Variants in TET1 observed in about 807,000 individuals in gnomAD.
TET1 encodes tet methylcytosine dioxygenase 1, also known as methylcytosine dioxygenase TET1.
In TET1, 13 loss-of-function variants were observed where a neutral mutation model predicts 148.7. The observed-to-expected ratio is 0.09, with a 90% CI of 0.06 to 0.14. The LOEUF is 0.14. TET1 is among the 10% of genes least tolerant of loss of function. TET1 has a pLI of 1.00. For synonymous variants in TET1, 907 were observed against 937.2 expected (o/e 0.97, Z 0.59); for missense variants, 2,182 against 2,553.8 (o/e 0.85, Z 3.14).
At chr10:68,690,562 G>GA (rs1463012749) in intron 11 of TET1, among the ~76,000 whole-genome samples, 14 of 152,192 alleles carry the variant, frequency 9.2e-5, no homozygotes, top group African/African-American at 2.9e-4. Flanking sequence ...CAGCCTGGGG[G>GA]ACAGAGCGAG....
intron 11 of TET1, among the ~76,000 whole-genome samples, chr10:68,688,834 G>GA (rs1057013834): frequency 2.0e-5 from 3 of 149,970 alleles, no homozygotes; most frequent in South Asian, 2.1e-4. Flanking sequence ...CCTATAGAAG[G>GA]AAAAAAAAAT....
chr10:68,609,751 T>C (rs1016786463), intron 3 of TET1, among the ~76,000 whole-genome samples: 5 of 152,136 alleles, frequency 3.3e-5, no homozygotes, highest in Non-Finnish European at 7.4e-5. Context: ...TATATATATA[T>C]AGCGTGTGAG....
intron 6 of TET1, among the ~76,000 whole-genome samples, chr10:68,657,108 C>T (rs781277131): frequency 4.0e-5 from 6 of 151,884 alleles, no homozygotes; most frequent in African/African-American, 1.5e-4. Context: ...GAGGCTGAGG[C>T]GGGAGGACCA....
intron 2 of TET1, among the ~76,000 whole-genome samples, chr10:68,596,048 A>AT (rs1401331818): frequency 9.2e-5 from 12 of 129,730 alleles, no homozygotes; most frequent in South Asian, 2.5e-4. Flanking sequence ...ATATATACAC[A>AT]TTTTTTTTTT....
chr10:68,572,316 T>C lies in TET1; in HGVS notation c.-23T>C. On this transcript the variant is annotated 5_prime_UTR_variant, in exon 2 of 12. Coordinates refer to ENST00000373644, the MANE Select transcript of TET1 (RefSeq NM_030625.3). ...CAATGACTCTGTTTCCTGCGCCCTT[T>C]CATTTTTTCCTACTCTGTAGCTATG... 6.4e-7 allele frequency: 1 copy of C among 1,563,240 alleles called. No individual in the cohort carries two copies. Among genetic ancestry groups the C allele is most frequent in the South Asian group, 1.2e-5 (1 of 82,304 alleles).
intron 3 of TET1, chr10:68,632,639 T>C (rs1176288494): frequency 1.9e-6 from 3 of 1,588,494 alleles, no homozygotes; most frequent in African/African-American, 2.7e-5. Context: ...CAGGAAAGAA[T>C]TGCCAGAGAA....
rs201654695 is a variant in TET1, at chr10:68,656,179, GTAA to G, written c.4461+3594_4461+3596del. On this transcript the variant is annotated intron_variant, in intron 6 of 11. Transcript: ENST00000373644. ...TAATTACTTTATTATATATTACAAT[GTAA>G]TAATAATAGAAATAAAGTGCACAAT... Among the ~76,000 whole-genome samples, 773 of 152,262 alleles carry G rather than the reference GTAA, an allele frequency of 5.1e-3. 9 individuals are homozygous for G. The highest frequency in any genetic ancestry group is 0.018 in the African/African-American group (736 of 41,546).
intron 3 of TET1, among the ~76,000 whole-genome samples, chr10:68,605,127 G>T (rs12220144): frequency 0.17 from 25,198 of 152,158 alleles, 2,255 homozygotes; most frequent in South Asian, 0.26. Flanking sequence ...TTCCTGCAGG[G>T]TTCAGCACTG....
At chr10:68,658,280 C>T (rs1423144059) in intron 6 of TET1, among the ~76,000 whole-genome samples, 3 of 151,944 alleles carry the variant, frequency 2.0e-5, no homozygotes, top group Middle Eastern at 3.4e-3. Context: ...GGCACAATCT[C>T]GGCTCACTGC....
intron 2 of TET1, among the ~76,000 whole-genome samples, chr10:68,579,694 G>C (rs114168441): frequency 6.6e-6 from 1 of 152,142 alleles, no homozygotes; most frequent in Non-Finnish European, 1.5e-5. Context: ...CAGGGCCTTC[G>C]AATGATTAGA....
intron 4 of TET1, among the ~76,000 whole-genome samples, chr10:68,649,695 A>G (rs947687042): frequency 6.6e-6 from 1 of 152,004 alleles, no homozygotes; most frequent in Admixed American, 6.6e-5. Flanking sequence ...ACGTGCCTTT[A>G]AAGTTTATAT....
chr10:68,690,358 A>C (rs1230617831), intron 11 of TET1, among the ~76,000 whole-genome samples: 3 of 152,242 alleles, frequency 2.0e-5, no homozygotes, highest in Non-Finnish European at 2.9e-5. Context: ...CTGTAATCCC[A>C]GCACTTTGGG....
At chr10:68,582,582 C>T (rs900058240) in intron 2 of TET1, among the ~76,000 whole-genome samples, 1 of 152,098 alleles carries the variant, frequency 6.6e-6, no homozygotes, top group East Asian at 1.9e-4. Flanking sequence ...TATGTGCAGG[C>T]CTTTCCATGT....
rs1465467281 is a variant in TET1 at position 68,573,135 on chromosome 10, C to A, written c.797C>A (p.Pro266His). ...CCCAAAGTTACCTCTCAAGGAAACC[C>A]CAGCATTCAGTTAGAAGAGTTGGGT... Reference protein sequence around the residue: ...ATPKVTSQGNPSIQLEELGSR... With the variant: ...ATPKVTSQGNHSIQLEELGSR... Residue 266 changes from proline to histidine, a missense_variant, in exon 2 of 12, where the codon CCC becomes CAC. Around this residue, in one of 11 missense-constraint regions of TET1, gnomAD observed 665 missense variants for 672.4 expected, o/e 0.99. Coordinates refer to ENST00000373644, the MANE Select transcript of TET1 (RefSeq NM_030625.3). 2.1e-5 allele frequency: 34 copies of A among 1,613,990 alleles called. No homozygotes were observed. The highest frequency in any genetic ancestry group is 2.5e-5 in the Non-Finnish European group (30 of 1,180,022).
At chr10:68,631,907 A>G (rs2054577571) in intron 3 of TET1, among the ~76,000 whole-genome samples, 1 of 151,926 alleles carries the variant, frequency 6.6e-6, no homozygotes. Context: ...GGCTTGTCGG[A>G]TCATGAATTA....
In TET1 at chr10:68,694,408, T is replaced by C. The variant is rs538386078; in HGVS notation, c.*2594T>C. On this transcript the variant is annotated 3_prime_UTR_variant, in exon 12 of 12. Coordinates refer to ENST00000373644, the MANE Select transcript of TET1 (RefSeq NM_030625.3). ...GTTCTGCAGCATTGTGATTGTATGCTGGCTACACTGCTTTTAGAATGCTCT... is the reference window on the plus strand; with the variant it reads ...GTTCTGCAGCATTGTGATTGTATGCCGGCTACACTGCTTTTAGAATGCTCT... 9.3e-4 allele frequency: 216 copies of C among 232,516 alleles called. 1 individual carries two copies. Among genetic ancestry groups the C allele is most frequent in the Non-Finnish European group, 9.9e-4 (116 of 117,646 alleles). 14.4% of individuals were successfully genotyped at this position (232,516 alleles called of 1,614,324 possible). A position where few individuals can be genotyped will look rare whatever the true frequency, so the allele number is the denominator to read the frequency against.
chr10:68,646,005 T>C lies in TET1; in HGVS notation c.3276T>C (p.Tyr1092=). 1 of 1,614,074 alleles carries C rather than the reference T, an allele frequency of 6.2e-7. No individual in the cohort carries two copies. The highest frequency in any genetic ancestry group is 2.2e-5 in the East Asian group (1 of 44,866). ...TQLASIIKIN[Y]IKPEDKKVES... is the part of the protein sequence containing the mutation. ...TTGCTTCGATAATTAAGATCAATTATATAAAACCAGAGGACAAAAAAGTTG... is the reference window on the plus strand; with the variant it reads ...TTGCTTCGATAATTAAGATCAATTACATAAAACCAGAGGACAAAAAAGTTG... Residue 1092 remains tyrosine, a synonymous_variant, in exon 4 of 12, where the codon TAT becomes TAC. Coordinates refer to ENST00000373644, the MANE Select transcript of TET1 (RefSeq NM_030625.3).
rs1349466171 is a variant in TET1 at position 68,614,016 on chromosome 10, A to G, written c.1968+12982A>G. On this transcript the variant is annotated intron_variant, in intron 3 of 11. Transcript: ENST00000373644. ...AGGTTATTTGCTGATTAAGATAAGT[A>G]GAAGCTATTTCAATGTTAATTTTGT... Among the ~76,000 whole-genome samples, 4 of 152,304 alleles carry G rather than the reference A, an allele frequency of 2.6e-5. No homozygotes were observed. The East Asian group carries it at 7.7e-4, about 29-fold the overall frequency.
chr10:68,578,376 A>G (rs1298742046), intron 2 of TET1, among the ~76,000 whole-genome samples: 1 of 152,080 alleles, frequency 6.6e-6, no homozygotes, highest in Non-Finnish European at 1.5e-5. Context: ...CTCCTGCCTC[A>G]GCCTGCCGAG....
Sources: allele counts gnomAD v4.1 joint callset (sites outside exome capture counted in the v4.1 genomes callset), GRCh38; gene constraint gnomAD v4.1.1; regional missense constraint gnomAD v4.1.1; transcripts MANE v1.5; gene names NCBI Gene and HGNC (gene_info 2026-07-23, HGNC 2026-07-21).